OR2V2: variants seen among roughly 807,000 people sequenced by gnomAD.
The protein encoded by OR2V2 is olfactory receptor 2V2.
For missense variants in OR2V2, 392 were observed against 392.2 expected, an observed-to-expected ratio of 1.00 and a Z score of 0.00; for synonymous variants, 161 against 151.3, an observed-to-expected ratio of 1.06 and a Z score of -0.47.
In OR2V2 at chr5:181,148,467, C is replaced by T. The variant is rs535225289; in HGVS notation, c.-25+472C>T. Among the ~76,000 whole-genome samples, 3 of 152,282 alleles carry T rather than the reference C, an allele frequency of 2.0e-5. No homozygotes were observed. In the East Asian group the frequency reaches 5.8e-4, roughly 29 times the overall value. ...GTGGTTTCTAGGAAAAAAAGTAAAG[C>T]CATTAGCTAAACACCCAGCAGAAAG... is the stretch of plus-strand genomic sequence containing the variant. On this transcript the variant is annotated intron_variant, in intron 1 of 1. Coordinates refer to ENST00000641492, the MANE Select transcript of OR2V2 (RefSeq NM_206880.2).
chr5:181,157,130 ACCTGT>A lies in OR2V2; in HGVS notation c.*1244_*1248del, dbSNP rs1365389301. ...TTGTATCCATCCTTCCAAGCTCTGT[ACCTGT>A]CCTATTTGCAGTAAAATTCTCTTTT... On this transcript the variant is annotated 3_prime_UTR_variant, in exon 2 of 2. Coordinates refer to ENST00000641492, the MANE Select transcript of OR2V2 (RefSeq NM_206880.2). 1.3e-5 allele frequency: 2 copies of A among 152,246 alleles called. No individual in the cohort carries two copies. The highest frequency in any genetic ancestry group is 4.8e-5 in the African/African-American group (2 of 41,470). The allele number at this position is 152,246 out of a possible 1,614,324, so 9.4% of individuals were successfully genotyped here.
chr5:181,151,187 A>T (rs12652589), intron 1 of OR2V2, among the ~76,000 whole-genome samples: 4,905 of 152,260 alleles, frequency 0.032, 257 homozygotes, highest in East Asian at 0.24. Context: ...CTAAGGTCAG[A>T]TGCATCTGGC....
At chr5:181,148,730 C>T (rs183506459) in intron 1 of OR2V2, among the ~76,000 whole-genome samples, 86 of 152,304 alleles carry the variant, frequency 5.6e-4, no homozygotes, top group Non-Finnish European at 5.3e-4. Context: ...CGCCTCCTGG[C>T]TTTGTGTGCT....
In OR2V2 at chr5:181,159,114, T is replaced by C. The variant is rs1763301494; in HGVS notation, c.*3224T>C. 6.6e-6 allele frequency: 1 copy of C among 151,866 alleles called. No homozygotes were observed. Among genetic ancestry groups the C allele is most frequent in the Non-Finnish European group, 1.5e-5 (1 of 67,992 alleles). 9.4% of individuals were successfully genotyped at this position (151,866 alleles called of 1,614,324 possible). On this transcript the variant is annotated 3_prime_UTR_variant, in exon 2 of 2. Transcript: ENST00000641492. ...ATCTCTACAGATTAGAAATGTTCCA[T>C]TTCAGCTGGACAGGGTTTCTCATGT...
Position 181,155,466 on chromosome 5 carries a change from T to C in OR2V2, c.524T>C (p.Val175Ala). ...TTCCCCTACTGTGGCTTGAGGAAGG[T>C]GAACCATTTCTTCTGTGAGATGCTA... The part of the protein sequence containing the change: ...MNFPYCGLRK[V>A]NHFFCEMLSL... Residue 175 changes from valine to alanine, a missense_variant, in exon 2 of 2, where the codon GTG (valine) becomes GCG (alanine). Transcript: ENST00000641492. 6.2e-7 allele frequency: 1 copy of C among 1,614,186 alleles called. No individual in the cohort carries two copies. The highest frequency in any genetic ancestry group is 8.5e-7 in the Non-Finnish European group (1 of 1,180,010).
Position 181,147,606 on chromosome 5 carries a change from G to C in OR2V2, c.-414G>C. 1 of 190,956 alleles carries C rather than the reference G, an allele frequency of 5.2e-6. No homozygotes were observed. The highest frequency in any genetic ancestry group is 1.0e-4 in the East Asian group (1 of 9,876). The allele number at this position is 190,956 out of a possible 1,614,324, so 11.8% of individuals were successfully genotyped here. A position where few individuals can be genotyped will look rare whatever the true frequency, so the allele number is the denominator to read the frequency against. ...TCTGGGTTCAGTACCTATGTGGGCA[G>C]TGGGAGGCGGTTCTGGAACCTGGCC... On this transcript the variant is annotated 5_prime_UTR_variant, in exon 1 of 2. Transcript: ENST00000641492.
chr5:181,155,096 A>G lies in OR2V2; in HGVS notation c.154A>G (p.Met52Val), dbSNP rs775571628. 4.3e-6 allele frequency: 7 copies of G among 1,613,696 alleles called. No individual in the cohort carries two copies. The highest frequency in any genetic ancestry group is 1.3e-5 in the African/African-American group (1 of 74,720). Residue 52 changes from methionine to valine, a missense_variant, in exon 2 of 2, where the codon ATG (methionine) becomes GTG (valine). Physicochemically the swap from Met to Val is conservative, Grantham distance 21. Transcript: ENST00000641492. ...TGTCCTCCTCATCTTCCTCATCTAC[A>G]TGGACCCTCACCTTCACACCCCCAT... is the stretch of plus-strand genomic sequence containing the variant. ...GNVLLIFLIY[M>V]DPHLHTPMYF...
Position 181,155,473 on chromosome 5 carries a change from T to G in OR2V2, c.531T>G (p.His177Gln). 1.2e-6 allele frequency: 2 copies of G among 1,614,200 alleles called. No individual in the cohort carries two copies. The part of the protein sequence containing the change: ...FPYCGLRKVN[H>Q]FFCEMLSLLK... ...ACTGTGGCTTGAGGAAGGTGAACCATTTCTTCTGTGAGATGCTATCCTTGT... is the reference window on the plus strand; with the variant it reads ...ACTGTGGCTTGAGGAAGGTGAACCAGTTCTTCTGTGAGATGCTATCCTTGT... The change falls in exon 2 of 2, where the codon CAT (histidine) becomes CAG (glutamine). Residue 177 changes from histidine (H) to glutamine (Q), a missense_variant. By Grantham distance (24) the His-to-Gln change is conservative (BLOSUM62 0). Transcript: ENST00000641492.
intron 1 of OR2V2, among the ~76,000 whole-genome samples, chr5:181,152,335 G>A (rs923225533): frequency 2.6e-5 from 4 of 152,154 alleles, no homozygotes; most frequent in African/African-American, 9.7e-5. Flanking sequence ...ATCCTGAGGG[G>A]GTAAGCCGCC....
chr5:181,147,597 A>G lies in OR2V2; in HGVS notation c.-423A>G, dbSNP rs375304414. 7.9e-4 allele frequency: 142 copies of G among 180,538 alleles called. 1 individual carries two copies. The highest frequency in any genetic ancestry group is 6.4e-3 in the East Asian group (55 of 8,564). 11.2% of individuals were successfully genotyped at this position (180,538 alleles called of 1,614,324 possible). A position where few individuals can be genotyped will look rare whatever the true frequency, so the allele number is the denominator to read the frequency against. On this transcript the variant is annotated 5_prime_UTR_variant, in exon 1 of 2. It removes an upstream start codon present in the reference 5' UTR. Coordinates refer to ENST00000641492, the MANE Select transcript of OR2V2 (RefSeq NM_206880.2). ...CACCCCGTGTCTGGGTTCAGTACCT[A>G]TGTGGGCAGTGGGAGGCGGTTCTGG...
Position 181,154,955 on chromosome 5 carries a change from G to A in OR2V2, c.13G>A (p.Val5Met), listed in dbSNP as rs770240616. The stretch of plus-strand genomic sequence containing the variant: ...CAACAACCGAGCCATGGAGACGTGG[G>A]TGAACCAGTCCTACACAGATGGCTT... METW[V>M]NQSYTDGFFL... is the part of the protein sequence containing the mutation. Residue 5 changes from valine (V) to methionine (M), a missense_variant, in exon 2 of 2, where the codon GTG becomes ATG. Transcript: ENST00000641492. 4.3e-6 allele frequency: 7 copies of A among 1,613,298 alleles called. No homozygotes were observed. Among genetic ancestry groups the A allele is most frequent in the African/African-American group, 4.0e-5 (3 of 74,904 alleles).
chr5:181,155,301 CTT>C lies in OR2V2; in HGVS notation c.360_361del (p.Tyr121Ter). 1 of 1,614,188 alleles carries C rather than the reference CTT, an allele frequency of 6.2e-7. No homozygotes were observed. The highest frequency in any genetic ancestry group is 8.5e-7 in the Non-Finnish European group (1 of 1,180,034). ...GAGGGGCTCTTGCTGGGACTCATGG[CTT>C]ATGACCGCTATGTGGCCATTAGCCA... On this transcript the variant is annotated frameshift_variant, in exon 2 of 2. Transcript: ENST00000641492. LOFTEE classifies it low-confidence loss of function (END_TRUNC).
At chr5:181,149,861 G>A (rs1040214381) in intron 1 of OR2V2, among the ~76,000 whole-genome samples, 3 of 152,174 alleles carry the variant, frequency 2.0e-5, no homozygotes, top group African/African-American at 4.8e-5. Flanking sequence ...ATGTAAACAC[G>A]GAGTGAAAGG....
rs1004232825 is a variant in OR2V2, at chr5:181,156,727, T to G, written c.*837T>G. On this transcript the variant is annotated 3_prime_UTR_variant, in exon 2 of 2. Coordinates refer to ENST00000641492, the MANE Select transcript of OR2V2 (RefSeq NM_206880.2). ...TTTATATGATGTCTCACAACAGTTGTAGCCCAACCCTAGGGTCTTAAATGA... is the reference window on the plus strand; with the variant it reads ...TTTATATGATGTCTCACAACAGTTGGAGCCCAACCCTAGGGTCTTAAATGA... 13 of 152,260 alleles carry G rather than the reference T, an allele frequency of 8.5e-5. No individual in the cohort carries two copies. Among genetic ancestry groups the G allele is most frequent in the Non-Finnish European group, 1.9e-4 (13 of 68,042 alleles). 9.4% of individuals were successfully genotyped at this position (152,260 alleles called of 1,614,324 possible).
chr5:181,155,311 C>T lies in OR2V2; in HGVS notation c.369C>T (p.Arg123=), dbSNP rs1731442777. 1 of 1,614,156 alleles carries T rather than the reference C, an allele frequency of 6.2e-7. No homozygotes were observed. The highest frequency in any genetic ancestry group is 8.5e-7 in the Non-Finnish European group (1 of 1,180,036). Residue 123 remains arginine, a synonymous_variant, in exon 2 of 2, where the codon CGC becomes CGT. Coordinates refer to ENST00000641492, the MANE Select transcript of OR2V2 (RefSeq NM_206880.2). The part of the protein sequence containing the change: ...GLLLGLMAYD[R]YVAISHPLHY... ...TGCTGGGACTCATGGCTTATGACCG[C>T]TATGTGGCCATTAGCCACCCACTTC...
At chr5:181,148,181 C>A (rs1042997264) in intron 1 of OR2V2, among the ~76,000 whole-genome samples, 186 bp downstream of exon 1, 6 of 152,216 alleles carry the variant, frequency 3.9e-5, no homozygotes, top group Non-Finnish European at 8.8e-5. Flanking sequence ...TGTCTCTCCT[C>A]ACTCTTCTCG....
chr5:181,158,147 G>A lies in OR2V2; in HGVS notation c.*2257G>A, dbSNP rs1452314797. 2.6e-5 allele frequency: 4 copies of A among 152,170 alleles called. No homozygotes were observed. The highest frequency in any genetic ancestry group is 9.7e-5 in the African/African-American group (4 of 41,442). 9.4% of individuals were successfully genotyped at this position (152,170 alleles called of 1,614,324 possible). ...CTGAACGCCACTAGCACCCAGAAAT[G>A]TGGTAAGTTCCATGTCACAAAAAGG... On this transcript the variant is annotated 3_prime_UTR_variant, in exon 2 of 2. Coordinates refer to ENST00000641492, the MANE Select transcript of OR2V2 (RefSeq NM_206880.2).
rs774125205 is a variant in OR2V2 at position 181,155,334 on chromosome 5, T to C, written c.392T>C (p.Leu131Pro). ...CGCTATGTGGCCATTAGCCACCCAC[T>C]TCACTATCCCATCCTCATGAATCAG... ...YDRYVAISHP[L>P]HYPILMNQRV... Residue 131 changes from leucine (L) to proline (P), a missense_variant, in exon 2 of 2, where the codon CTT (leucine) becomes CCT (proline). Transcript: ENST00000641492. 5.0e-6 allele frequency: 8 copies of C among 1,614,082 alleles called. No homozygotes were observed. In the Admixed American group the frequency reaches 1.3e-4, roughly 27 times the overall value.
At chr5:181,148,828 A>G (rs1377847825) in intron 1 of OR2V2, among the ~76,000 whole-genome samples, 2 of 152,184 alleles carry the variant, frequency 1.3e-5, no homozygotes, top group Non-Finnish European at 2.9e-5. Context: ...GAAGGCGAGG[A>G]GGAGGTGAGG....
Sources: gnomAD v4.1 joint callset for allele counts (sites outside exome capture counted in the v4.1 genomes callset) on GRCh38, gnomAD v4.1.1 for gene constraint, MANE v1.5 for transcripts, NCBI Gene and HGNC (gene_info 2026-07-23, HGNC 2026-07-21) for gene names.